The following TAFA5 variants were observed in gnomAD, a reference collection of about 807,000 sequenced individuals.
The protein encoded by TAFA5 is chemokine-like protein TAFA-5.
Under a neutral mutation model 15.3 loss-of-function variants are expected in TAFA5, and 6 were observed. The ratio of observed to expected loss-of-function variants is 0.39; its 90% confidence interval spans 0.21 to 0.77. The LOEUF is 0.77. Ranked by LOEUF, TAFA5 falls within the 30% of genes least tolerant of loss-of-function variation. The pLI, the probability that TAFA5 is intolerant of heterozygous loss-of-function variation, is 0.41. For missense variants in TAFA5, 161 were observed against 193.1 expected, an observed-to-expected ratio of 0.83 and a Z score of 0.98; for synonymous variants, 103 against 80.7, an observed-to-expected ratio of 1.28 and a Z score of -1.48.
At chr22:48,692,411 ATTTAT>A (rs1346478352) in intron 2 of TAFA5, among the ~76,000 whole-genome samples, 1 of 152,188 alleles carries the variant, frequency 6.6e-6, no homozygotes, top group Non-Finnish European at 1.5e-5. Flanking sequence ...TGTTTACCTG[ATTTAT>A]TTTAATTTAC....
intron 1 of TAFA5, among the ~76,000 whole-genome samples, chr22:48,531,568 G>C (rs1462442657): frequency 6.6e-6 from 1 of 152,210 alleles, no homozygotes; most frequent in African/African-American, 2.4e-5. Context: ...TCAGGTTGGG[G>C]TAGCCGGCCT....
chr22:48,744,547 G>A (rs998914144), intron 3 of TAFA5, among the ~76,000 whole-genome samples: 1 of 152,264 alleles, frequency 6.6e-6, no homozygotes, highest in African/African-American at 2.4e-5. Flanking sequence ...CCTCAGCCCT[G>A]CAGCCTTGGG....
At chr22:48,729,968 C>CA (rs1219821663) in intron 3 of TAFA5, among the ~76,000 whole-genome samples, 3 of 152,108 alleles carry the variant, frequency 2.0e-5, no homozygotes, top group Admixed American at 6.5e-5. Context: ...GTCCCGAGGG[C>CA]AGCAGCCGCC....
intron 2 of TAFA5, among the ~76,000 whole-genome samples, chr22:48,654,383 G>T (rs1927164046): frequency 6.6e-6 from 1 of 152,172 alleles, no homozygotes; most frequent in African/African-American, 2.4e-5. Context: ...ATCGTCCACG[G>T]GCCTACAGGG....
intron 2 of TAFA5, among the ~76,000 whole-genome samples, chr22:48,683,862 G>A (rs987975290): frequency 1.3e-5 from 2 of 152,070 alleles, no homozygotes; most frequent in African/African-American, 2.4e-5. Flanking sequence ...GAGATCTGAT[G>A]GCTTAAAAGT....
chr22:48,740,397 G>T (rs565834692), intron 3 of TAFA5, among the ~76,000 whole-genome samples: 4 of 152,212 alleles, frequency 2.6e-5, no homozygotes, highest in Admixed American at 2.6e-4. Flanking sequence ...CTCCCTGTGT[G>T]TTTGCAGATA....
chr22:48,562,592 G>A (rs1569026671), intron 1 of TAFA5, among the ~76,000 whole-genome samples: 1 of 150,212 alleles, frequency 6.7e-6, no homozygotes, highest in South Asian at 2.2e-4. Context: ...GGGAGGGGGG[G>A]AATTTAGCTC....
intron 2 of TAFA5, among the ~76,000 whole-genome samples, chr22:48,667,220 C>CGCCCGCCCTCCCCAGCCA (rs1927646906): frequency 6.6e-6 from 1 of 151,884 alleles, no homozygotes; most frequent in Non-Finnish European, 1.5e-5. Context: ...GCCTGGAGCC[C>CGCCCGCCCTCCCCAGCCA]GCCCGCCCTC....
At chr22:48,674,175 C>T (rs569293159) in intron 2 of TAFA5, among the ~76,000 whole-genome samples, 24 of 152,136 alleles carry the variant, frequency 1.6e-4, no homozygotes, top group Non-Finnish European at 2.8e-4. Context: ...ATGTAGGTCC[C>T]GGTTTCATCT....
chr22:48,545,228 C>T (rs1372966594), intron 1 of TAFA5: 9 of 276,918 alleles, frequency 3.3e-5, no homozygotes, highest in South Asian at 8.2e-5. Context: ...CCATCCAGAC[C>T]GTGCCATGCT....
At chr22:48,626,957 G>A (rs1014888436) in intron 1 of TAFA5, among the ~76,000 whole-genome samples, 1 of 152,160 alleles carries the variant, frequency 6.6e-6, no homozygotes, top group African/African-American at 2.4e-5. Flanking sequence ...CCTGTCCTCC[G>A]TGGGATTGCC....
In TAFA5 at chr22:48,750,262, C is replaced by T. The variant is rs931860997; in HGVS notation, c.*415C>T. 3.8e-6 allele frequency: 1 copy of T among 259,782 alleles called. No individual in the cohort carries two copies. The highest frequency in any genetic ancestry group is 2.2e-5 in the African/African-American group (1 of 44,650). 16.1% of individuals were successfully genotyped at this position (259,782 alleles called of 1,614,324 possible). ...GACTGTCAGGCACAGAAGCGGCCTC[C>T]TCCCGTGCCCCAGACTGTCCGAATT... On this transcript the variant is annotated 3_prime_UTR_variant, in exon 4 of 4. Coordinates refer to ENST00000402357, the MANE Select transcript of TAFA5 (RefSeq NM_001082967.3).
At chr22:48,619,740 C>G (rs184424058) in intron 1 of TAFA5, among the ~76,000 whole-genome samples, 2 of 152,364 alleles carry the variant, frequency 1.3e-5, no homozygotes, top group East Asian at 3.9e-4. Flanking sequence ...ATGGGCGTCA[C>G]GCTGCCTGCC....
intron 1 of TAFA5, among the ~76,000 whole-genome samples, chr22:48,640,377 G>A (rs1926628688): frequency 6.6e-6 from 1 of 152,216 alleles, no homozygotes; most frequent in Non-Finnish European, 1.5e-5. Flanking sequence ...TGGGCCCACG[G>A]CCTGCGGAAG....
At chr22:48,585,913 C>T (rs1056446094) in intron 1 of TAFA5, among the ~76,000 whole-genome samples, 2 of 152,174 alleles carry the variant, frequency 1.3e-5, no homozygotes, top group African/African-American at 4.8e-5. Context: ...ATCATAAACA[C>T]ACGTTACACC....
intron 3 of TAFA5, among the ~76,000 whole-genome samples, chr22:48,743,445 C>T (rs1323890650): frequency 6.6e-6 from 1 of 152,244 alleles, no homozygotes; most frequent in Non-Finnish European, 1.5e-5. Flanking sequence ...CGACCCCATT[C>T]TAACTCGATC....
At chr22:48,683,230 G>C (rs543578316) in intron 2 of TAFA5, among the ~76,000 whole-genome samples, 2 of 152,246 alleles carry the variant, frequency 1.3e-5, no homozygotes, top group East Asian at 1.9e-4. Context: ...GAGTGACCTC[G>C]GACAGGCCCG....
At chr22:48,546,452 C>T (rs903665554) in intron 1 of TAFA5, 4 of 470,416 alleles carry the variant, frequency 8.5e-6, no homozygotes, top group Admixed American at 7.1e-5. Context: ...CCTCTTGGAG[C>T]TTGTGGGGGA....
At chr22:48,525,059 C>A (rs374441725) in intron 1 of TAFA5, among the ~76,000 whole-genome samples, 2 of 152,206 alleles carry the variant, frequency 1.3e-5, no homozygotes, top group African/African-American at 2.4e-5. Context: ...CTGGCTCTGA[C>A]CTTCCTGCCT....
Sources: allele counts gnomAD v4.1 joint callset (sites outside exome capture counted in the v4.1 genomes callset), GRCh38; gene constraint gnomAD v4.1.1; transcripts MANE v1.5; gene names NCBI Gene and HGNC (gene_info 2026-07-23, HGNC 2026-07-21).